PHRF1: variants seen among roughly 807,000 people sequenced by gnomAD.
PHRF1 encodes the protein PHD and RING finger domain-containing protein 1.
PHRF1 carries 53 observed loss-of-function variants against 128.9 expected under a neutral mutation model. That is an observed-to-expected ratio of 0.41 (90% CI 0.33 to 0.52). PHRF1 has a LOEUF of 0.52. Among genes scored for constraint, PHRF1 ranks in the 20% least tolerant of loss-of-function variants. The pLI, the probability that PHRF1 is intolerant of heterozygous loss-of-function variation, is 0.21. For synonymous variants in PHRF1, 1,178 were observed against 980.6 expected (o/e 1.20, Z -3.76); for missense variants, 2,503 against 2,284.5 (o/e 1.10, Z -1.95).
intron 4 of PHRF1, among the ~76,000 whole-genome samples, chr11:588,279 C>T (rs770433740): frequency 6.6e-6 from 1 of 152,204 alleles, no homozygotes; most frequent in Non-Finnish European, 1.5e-5. Flanking sequence ...CTGGTGGTGG[C>T]AGGCTGTGAT....
intron 4 of PHRF1, among the ~76,000 whole-genome samples, chr11:589,570 C>A (rs534528317): frequency 0.02 from 1,809 of 90,466 alleles, 42 homozygotes; most frequent in African/African-American, 0.052. Context: ...GGCCTGGACA[C>A]ACTCGGGGGG....
chr11:600,041 A>G (rs935612099), intron 9 of PHRF1, among the ~76,000 whole-genome samples: 3 of 152,020 alleles, frequency 2.0e-5, no homozygotes, highest in Admixed American at 6.6e-5. Flanking sequence ...ATGTCACTAC[A>G]GATGTGCAGT....
chr11:582,448 T>C (rs1019456297), intron 3 of PHRF1, among the ~76,000 whole-genome samples: 1 of 151,958 alleles, frequency 6.6e-6, no homozygotes, highest in Admixed American at 6.6e-5. Flanking sequence ...TTTGTATCTT[T>C]AGTAGAGACG....
chr11:607,550 G>A lies in PHRF1; in HGVS notation c.2094G>A (p.Pro698=), dbSNP rs371765604. Residue 698 remains proline, a synonymous_variant, in exon 14 of 18, where the codon CCG becomes CCA. Transcript: ENST00000264555. Reference sequence around the variant, plus strand: ...GTGGTGGCAGACGGGATGCGGCCCCGGCCCACGGGCAGAGCATTGAGATCC... The same window carrying A: ...GTGGTGGCAGACGGGATGCGGCCCCAGCCCACGGGCAGAGCATTGAGATCC... The part of the protein sequence containing the change: ...DDGGGRRDAA[P]AHGQSIEIPS... The A allele has an allele frequency of 8.4e-5, 135 of 1,612,654 alleles. No homozygotes were observed. In the African/African-American group the frequency reaches 1.4e-3, roughly 17 times the overall value.
Position 609,428 on chromosome 11 carries a change from A to T in PHRF1, c.3972A>T (p.Ser1324=). 1.2e-6 allele frequency: 2 copies of T among 1,608,830 alleles called. No individual in the cohort carries two copies. The highest frequency in any genetic ancestry group is 1.7e-6 in the Non-Finnish European group (2 of 1,179,788). The change falls in exon 14 of 18, where the codon TCA becomes TCT. Residue 1324 remains serine (S), a synonymous_variant. Coordinates refer to ENST00000264555, the MANE Select transcript of PHRF1 (RefSeq NM_001286581.2). Reference sequence around the variant, plus strand: ...TGGCCGCCATCCAGAGGGAGGTGTCATTGATGCACGATGAAGACCCTTCGC... The same window carrying T: ...TGGCCGCCATCCAGAGGGAGGTGTCTTTGATGCACGATGAAGACCCTTCGC... ...LAVAAIQREV[S]LMHDEDPSQP... is the part of the protein sequence containing the mutation.
At position 610,530 on chromosome 11, in the gene PHRF1, G is replaced by T. The variant is rs377434141; in HGVS notation, c.4446G>T (p.Pro1482=). 3 of 1,604,888 alleles carry T rather than the reference G, an allele frequency of 1.9e-6. No homozygotes were observed. Among genetic ancestry groups the T allele is most frequent in the Non-Finnish European group, 1.7e-6 (2 of 1,179,282 alleles). The stretch of plus-strand genomic sequence containing the variant: ...ACAGCCCCGGCCTGCCGCCTGCCCC[G>T]GCCCAGCCCTCAAGCATCCCACCCT... The part of the protein sequence containing the change: ...QVYSPGLPPA[P]AQPSSIPPCA... Residue 1482 remains proline (P), a synonymous_variant, in exon 16 of 18, where the codon CCG becomes CCT. Coordinates refer to ENST00000264555, the MANE Select transcript of PHRF1 (RefSeq NM_001286581.2).
chr11:608,885 C>G lies in PHRF1; in HGVS notation c.3429C>G (p.His1143Gln). Residue 1143 changes from histidine to glutamine, a missense_variant, in exon 14 of 18, where the codon CAC becomes CAG. Transcript: ENST00000264555. ...CRHKHQRERS[H>Q]ERPDRKESVA... ...ACAAGCATCAGCGGGAACGCAGCCA[C>G]GAGCGGCCAGACAGGAAGGAGAGTG... 6.2e-7 allele frequency: 1 copy of G among 1,612,310 alleles called. No individual in the cohort carries two copies. Among genetic ancestry groups the G allele is most frequent in the Non-Finnish European group, 8.5e-7 (1 of 1,179,812 alleles).
At chr11:600,611 A>G (rs1407774095) in intron 9 of PHRF1, among the ~76,000 whole-genome samples, 1 of 149,974 alleles carries the variant, frequency 6.7e-6, no homozygotes, top group Non-Finnish European at 1.5e-5. Context: ...CGGGTGTGTC[A>G]CCTGAGATCA....
In PHRF1 at chr11:597,667, G is replaced by T; in HGVS notation, c.894+97G>T. On this transcript the variant is annotated intron_variant, in intron 8 of 17. Transcript: ENST00000264555. The surrounding 1 kb of genome is among the most constrained non-coding windows in gnomAD (Gnocchi z 6.5). ...TGGGAGGGGCGTCGTCGGCACTGTGGGGTCCGCCCGGCCCCGGTGGCTCAT... is the reference window on the plus strand; with the variant it reads ...TGGGAGGGGCGTCGTCGGCACTGTGTGGTCCGCCCGGCCCCGGTGGCTCAT... 7.0e-7 allele frequency: 1 copy of T among 1,425,792 alleles called. No homozygotes were observed. The highest frequency in any genetic ancestry group is 9.4e-7 in the Non-Finnish European group (1 of 1,059,278). The allele number at this position is 1,425,792 out of a possible 1,614,324, so 88.3% of individuals were successfully genotyped here.
chr11:595,301 T>C (rs1267796059), intron 6 of PHRF1, among the ~76,000 whole-genome samples: 1 of 152,090 alleles, frequency 6.6e-6, no homozygotes, highest in Non-Finnish European at 1.5e-5. Flanking sequence ...CCAGAGAGAC[T>C]AAAAACAAAA....
intron 4 of PHRF1, among the ~76,000 whole-genome samples, chr11:590,253 C>T (rs530438992): frequency 6.6e-6 from 1 of 152,354 alleles, no homozygotes; most frequent in African/African-American, 2.4e-5. Flanking sequence ...CGTACAACCT[C>T]AAAGGCCATG....
At chr11:577,430 G>A (rs776025704) in intron 1 of PHRF1, among the ~76,000 whole-genome samples, 1 of 152,246 alleles carries the variant, frequency 6.6e-6, no homozygotes, top group Non-Finnish European at 1.5e-5. Context: ...CTGAGGCCGA[G>A]CTGAGGTTTG....
At position 610,308 on chromosome 11, in the gene PHRF1, G is replaced by A; in HGVS notation, c.4377G>A (p.Val1459=). 6.4e-7 allele frequency: 1 copy of A among 1,565,518 alleles called. No individual in the cohort carries two copies. The highest frequency in any genetic ancestry group is 8.7e-7 in the Non-Finnish European group (1 of 1,155,274). The change falls in exon 15 of 18, where the codon GTG becomes GTA. Residue 1459 remains valine (V), a synonymous_variant. Transcript: ENST00000264555. ...CCGAGCTGCCCTTTCCCAGTCACGT[G>A]CTTCCGGAACCCGGGTTCCCAGACA... is the stretch of plus-strand genomic sequence containing the variant. ...VFSELPFPSH[V]LPEPGFPDTD...
intron 4 of PHRF1, among the ~76,000 whole-genome samples, chr11:591,106 T>C (rs1181343584): frequency 6.6e-6 from 1 of 152,224 alleles, no homozygotes; most frequent in Non-Finnish European, 1.5e-5. Context: ...CTGTGCACAA[T>C]GCCGCCCCCA....
At position 610,529 on chromosome 11, in the gene PHRF1, C is replaced by T. The variant is rs201225978; in HGVS notation, c.4445C>T (p.Pro1482Leu). The T allele has an allele frequency of 2.6e-4, 420 of 1,604,802 alleles. No individual in the cohort carries two copies. Among genetic ancestry groups the T allele is most frequent in the Middle Eastern group, 6.6e-4 (4 of 6,042 alleles). The change falls in exon 16 of 18, where the codon CCG (proline) becomes CTG (leucine). Residue 1482 changes from proline to leucine, a missense_variant. Physicochemically the swap from Pro to Leu is moderately conservative, Grantham distance 98. Coordinates refer to ENST00000264555, the MANE Select transcript of PHRF1 (RefSeq NM_001286581.2). ...TACAGCCCCGGCCTGCCGCCTGCCC[C>T]GGCCCAGCCCTCAAGCATCCCACCC... ...QVYSPGLPPA[P>L]AQPSSIPPCA...
At chr11:603,180 T>C (rs1274692737) in intron 10 of PHRF1, among the ~76,000 whole-genome samples, 2 of 151,728 alleles carry the variant, frequency 1.3e-5, no homozygotes, top group African/African-American at 4.8e-5. Flanking sequence ...CTCAGCTTCC[T>C]GAGTAGCTGG....
intron 15 of PHRF1, 74 bp from the exon 16 acceptor site, chr11:610,427 C>A: frequency 6.5e-7 from 1 of 1,545,394 alleles, no homozygotes; most frequent in Non-Finnish European, 8.7e-7. Context: ...TAGGCTGGGG[C>A]TGAGGCCTCA....
rs1856345356 is a variant in PHRF1 at position 610,896 on chromosome 11, C to T, written c.4678-58C>T. The stretch of plus-strand genomic sequence containing the variant: ...AAGGGTGTCCAGAACCACAGTGCCT[C>T]TGGCCAGAGGGACTCCCGGCTCCCT... On this transcript the variant is annotated intron_variant, in intron 16 of 17. Transcript: ENST00000264555. 8 of 1,599,222 alleles carry T rather than the reference C, an allele frequency of 5.0e-6. No homozygotes were observed. In the Admixed American group the frequency reaches 8.5e-5, roughly 17 times the overall value.
intron 6 of PHRF1, among the ~76,000 whole-genome samples, chr11:594,770 G>A (rs1179725106): frequency 6.6e-6 from 1 of 152,170 alleles, no homozygotes; most frequent in African/African-American, 2.4e-5. Flanking sequence ...CCTAGTTGTA[G>A]TACCTTCTAA....
Sources: allele counts gnomAD v4.1 joint callset (sites outside exome capture counted in the v4.1 genomes callset), GRCh38; gene constraint gnomAD v4.1.1; non-coding constraint Gnocchi (gnomAD v3.1); transcripts MANE v1.5; gene names NCBI Gene and HGNC (gene_info 2026-07-23, HGNC 2026-07-21).